RGS22: variants seen among roughly 807,000 people sequenced by gnomAD.
RGS22 encodes regulator of G protein signaling 22, also known as regulator of G-protein signaling 22.
A neutral mutation model predicts 172.9 loss-of-function variants in RGS22; 148 were observed. That is an observed-to-expected ratio of 0.86 (90% CI 0.75 to 0.98). RGS22 has a LOEUF of 0.98. Among genes scored for constraint, RGS22 ranks in the 50% least tolerant of loss-of-function variants. The pLI, the probability that RGS22 is intolerant of heterozygous loss-of-function variation, is 0.00. For missense variants in RGS22, 1,347 were observed against 1,440.8 expected (o/e 0.93, Z 1.05); for synonymous variants, 458 against 480.2 (o/e 0.95, Z 0.60).
At position 99,965,309 on chromosome 8, in the gene RGS22, A is replaced by T. The variant is rs201566472; in HGVS notation, c.3615+26T>A. ...TATCCAATGCTCCAGCGGGGAAATGAGGTCTGCACCATCTTGCATGCTTAC... is the reference window on the plus strand; with the variant it reads ...TATCCAATGCTCCAGCGGGGAAATGTGGTCTGCACCATCTTGCATGCTTAC... On this transcript the variant is annotated intron_variant, in intron 24 of 27. Transcript: ENST00000360863. The T allele has an allele frequency of 6.3e-4, 937 of 1,484,214 alleles. 5 individuals carry two copies. The African/African-American group carries it at 0.011, about 18-fold the overall frequency. The allele number at this position is 1,484,214 out of a possible 1,614,324, so 91.9% of individuals were successfully genotyped here.
chr8:100,007,292 A>G (rs944128881), intron 15 of RGS22, among the ~76,000 whole-genome samples: 3 of 152,246 alleles, frequency 2.0e-5, no homozygotes, highest in Admixed American at 2.0e-4. Context: ...TACACAGTAC[A>G]TGCATTAACT....
chr8:100,080,764 A>G (rs1811695311), intron 3 of RGS22: 1 of 162,870 alleles, frequency 6.1e-6, no homozygotes, highest in Admixed American at 6.0e-5. Flanking sequence ...GGAGCCATGA[A>G]GGCTAACAAT....
rs966099714 is a variant in RGS22 at position 100,052,881 on chromosome 8, T to G, written c.1610A>C (p.Asp537Ala). The G allele has an allele frequency of 1.2e-6, 2 of 1,614,034 alleles. No individual in the cohort carries two copies. The highest frequency in any genetic ancestry group is 2.7e-5 in the African/African-American group (2 of 74,916). Residue 537 changes from aspartate (D) to alanine (A), a missense_variant, in exon 10 of 28, where the codon GAT becomes GCT. Transcript: ENST00000360863. ...WHLRQAKPRK[D>A]IDPFPQMATL... ...TGCCATTTGTGGAAAAGGGTCAATA[T>G]CCTTCCTTGGTTTTGCTTGACGGAG...
chr8:100,021,090 C>A (rs537947164), intron 14 of RGS22, among the ~76,000 whole-genome samples: 4 of 152,170 alleles, frequency 2.6e-5, no homozygotes, highest in Non-Finnish European at 5.9e-5. Flanking sequence ...TACTTCTCTT[C>A]CTATCATGAT....
chr8:100,074,154 C>A (rs1244213097), intron 4 of RGS22, among the ~76,000 whole-genome samples: 1 of 152,142 alleles, frequency 6.6e-6, no homozygotes, highest in East Asian at 1.9e-4. Flanking sequence ...AGAACCATTT[C>A]CAAATAGCCA....
intron 14 of RGS22, among the ~76,000 whole-genome samples, chr8:100,013,919 C>T (rs1816682646): frequency 6.6e-6 from 1 of 152,188 alleles, no homozygotes; most frequent in Admixed American, 6.5e-5. Context: ...AACATAATGA[C>T]TGACTCCATT....
chr8:99,965,576 T>C (rs142401019), intron 23 of RGS22, 146 bp from the exon 24 acceptor site: 69 of 512,832 alleles, frequency 1.3e-4, no homozygotes, highest in African/African-American at 1.2e-3. Flanking sequence ...ATATCACTAA[T>C]GTGACAGAGT....
Position 100,098,877 on chromosome 8 carries a change from T to TTTTA in RGS22, c.55-5372_55-5369dup, listed in dbSNP as rs1253610300. On this transcript the variant is annotated intron_variant, in intron 2 of 27. Coordinates refer to ENST00000360863, the MANE Select transcript of RGS22 (RefSeq NM_015668.5). ...TTATTATTTTATTTATTTTATTTTA[T>TTTTA]TTTATTTTATTTTATTTTATTTTAT... 3.9e-3 allele frequency among the ~76,000 whole-genome samples: 136 copies of TTTTA among 34,490 alleles called. 4 individuals are homozygous for TTTTA. The highest frequency in any genetic ancestry group is 0.025 in the African/African-American group (131 of 5,300). The allele number at this position is 34,490 out of a possible 152,430, so 22.6% of individuals were successfully genotyped here. A position where few individuals can be genotyped will look rare whatever the true frequency, so the allele number is the denominator to read the frequency against.
In RGS22 at chr8:100,105,979, G is replaced by C; in HGVS notation, c.-58C>G. 1 of 1,334,700 alleles carries C rather than the reference G, an allele frequency of 7.5e-7. No homozygotes were observed. The highest frequency in any genetic ancestry group is 9.5e-7 in the Non-Finnish European group (1 of 1,047,436). The allele number at this position is 1,334,700 out of a possible 1,614,324, so 82.7% of individuals were successfully genotyped here. On this transcript the variant is annotated 5_prime_UTR_variant, in exon 1 of 28. Transcript: ENST00000360863. ...CGGGCCGTCAGGGCCCTAGCGCGCG[G>C]GTCCAGCGCGGGTCAGGGCCTGAGC... is the stretch of plus-strand genomic sequence containing the variant.
chr8:100,001,499 G>T (rs79661895), intron 18 of RGS22, among the ~76,000 whole-genome samples: 5,385 of 152,022 alleles, frequency 0.035, 339 homozygotes, highest in African/African-American at 0.12. Flanking sequence ...CTCCCAAAGT[G>T]CTGGGATTAC....
rs1274074436 is a variant in RGS22 at position 100,054,500 on chromosome 8, G to A, written c.1515-1524C>T. The A allele has an allele frequency of 1.9e-5, 3 of 154,082 alleles. No homozygotes were observed. The Admixed American group carries it at 2.0e-4, about 10-fold the overall frequency. 9.5% of individuals were successfully genotyped at this position (154,082 alleles called of 1,614,324 possible). On this transcript the variant is annotated intron_variant, in intron 9 of 27. Coordinates refer to ENST00000360863, the MANE Select transcript of RGS22 (RefSeq NM_015668.5). ...TCCTATCTACTTGGGAAGCTGAGGT[G>A]AGAGGATCACTTGAGCTTAGCAGTT...
intron 24 of RGS22, among the ~76,000 whole-genome samples, chr8:99,963,281 G>A (rs1371505409): frequency 4.6e-5 from 7 of 152,026 alleles, no homozygotes; most frequent in African/African-American, 1.7e-4. Context: ...AAATTCCCTG[G>A]TTTGCAGGGA....
intron 3 of RGS22, among the ~76,000 whole-genome samples, chr8:100,087,986 T>C (rs1269862635): frequency 6.6e-6 from 1 of 152,120 alleles, no homozygotes; most frequent in African/African-American, 2.4e-5. Context: ...CTAAGCAGTT[T>C]CCTAGAGCTT....
chr8:99,965,244 A>G lies in RGS22; in HGVS notation c.3615+91T>C, dbSNP rs1216979575. 4 of 705,570 alleles carry G rather than the reference A, an allele frequency of 5.7e-6. No individual in the cohort carries two copies. In the Admixed American group the frequency reaches 1.0e-4, roughly 18 times the overall value. The allele number at this position is 705,570 out of a possible 1,614,324, so 43.7% of individuals were successfully genotyped here. On this transcript the variant is annotated intron_variant, in intron 24 of 27. Coordinates refer to ENST00000360863, the MANE Select transcript of RGS22 (RefSeq NM_015668.5). ...TGTAGGCTTATTTTCAAACAAACAC[A>G]TTTCTAGTACTGTACAATGACTGAG...
rs1415927344 is a variant in RGS22 at position 100,051,644 on chromosome 8, TTTATAC to T, written c.1689+1152_1689+1157del. On this transcript the variant is annotated intron_variant, in intron 10 of 27. Coordinates refer to ENST00000360863, the MANE Select transcript of RGS22 (RefSeq NM_015668.5). ...ATATATAAATATATATTTATATATG[TTTATAC>T]ATATATAAATATATATTTATATATG... is the stretch of plus-strand genomic sequence containing the variant. Among the ~76,000 whole-genome samples, 2 of 35,794 alleles carry T rather than the reference TTTATAC, an allele frequency of 5.6e-5. 1 individual carries two copies. The highest frequency in any genetic ancestry group is 2.5e-4 in the African/African-American group (2 of 7,946). 23.5% of individuals were successfully genotyped at this position (35,794 alleles called of 152,430 possible).
intron 3 of RGS22, among the ~76,000 whole-genome samples, chr8:100,084,997 A>G (rs1269975093): frequency 6.6e-6 from 1 of 152,222 alleles, no homozygotes; most frequent in Non-Finnish European, 1.5e-5. Context: ...ACACTTTAAA[A>G]GGGATTTGGC....
chr8:100,078,153 A>AT lies in RGS22; in HGVS notation c.339+1980dup, dbSNP rs569075230. Among the ~76,000 whole-genome samples the AT allele has an allele frequency of 2.6e-3, 390 of 152,128 alleles. 5 individuals carry two copies. Among genetic ancestry groups the AT allele is most frequent in the African/African-American group, 8.8e-3 (364 of 41,502 alleles). On this transcript the variant is annotated intron_variant, in intron 4 of 27. Coordinates refer to ENST00000360863, the MANE Select transcript of RGS22 (RefSeq NM_015668.5). ...TTCTTGTAGACAGCAAATAATTGGG[A>AT]TTTTTTTAAAAAATCATCCCTGACT...
chr8:100,032,060 A>G (rs926686041), intron 14 of RGS22, among the ~76,000 whole-genome samples: 5 of 152,240 alleles, frequency 3.3e-5, no homozygotes, highest in Non-Finnish European at 5.9e-5. Context: ...CCACTGCAAA[A>G]ACATACCAAA....
chr8:99,965,481 A>T (rs1440737613), intron 23 of RGS22, 51 bp from the exon 24 acceptor site: 1 of 1,295,608 alleles, frequency 7.7e-7, no homozygotes, highest in African/African-American at 1.5e-5. Flanking sequence ...ATGATATGTT[A>T]ATATAAACTT....
Sources: allele counts gnomAD v4.1 joint callset (sites outside exome capture counted in the v4.1 genomes callset), GRCh38; gene constraint gnomAD v4.1.1; transcripts MANE v1.5; gene names NCBI Gene and HGNC (gene_info 2026-07-23, HGNC 2026-07-21).